The following HECW2 variants were observed in gnomAD, a reference collection of about 807,000 sequenced individuals.
The protein encoded by HECW2 is E3 ubiquitin-protein ligase HECW2.
Under a neutral mutation model 175.2 loss-of-function variants are expected in HECW2, and 61 were observed. That is an observed-to-expected ratio of 0.35 (90% confidence interval 0.28 to 0.43). The LOEUF is 0.43. Among genes scored for constraint, HECW2 ranks in the 20% least tolerant of loss-of-function variants. The pLI is 1.00. For missense variants in HECW2, 1,524 were observed against 2,000.5 expected (o/e 0.76, Z 4.54); for synonymous variants, 671 against 731.0 (o/e 0.92, Z 1.32).
intron 1 of HECW2, among the ~76,000 whole-genome samples, chr2:196,531,934 T>A (rs545719473): frequency 1.8e-4 from 28 of 152,334 alleles, no homozygotes; most frequent in Admixed American, 2.6e-4. Context: ...GCTCTTAGTT[T>A]TCTAAAAGTC....
chr2:196,491,221 G>A lies in HECW2; in HGVS notation c.-35-57763C>T, dbSNP rs982138242. Among the ~76,000 whole-genome samples the A allele has an allele frequency of 1.8e-4, 27 of 151,952 alleles. No individual in the cohort carries two copies. The East Asian group carries it at 2.1e-3, about 12-fold the overall frequency. ...ACTTAAAATATAATGGAATGTTGGC[G>A]GGTGCAGTGGCTCACACCTGTAATC... On this transcript the variant is annotated intron_variant, in intron 1 of 28. Transcript: ENST00000644978.
chr2:196,437,450 A>C (rs1168947335), intron 1 of HECW2, among the ~76,000 whole-genome samples: 1 of 151,810 alleles, frequency 6.6e-6, no homozygotes, highest in Non-Finnish European at 1.5e-5. Context: ...TGTCTCCACT[A>C]AAAATACAAA....
At chr2:196,314,660 A>T (rs1691622733) in intron 10 of HECW2, among the ~76,000 whole-genome samples, 1 of 152,242 alleles carries the variant, frequency 6.6e-6, no homozygotes, top group Non-Finnish European at 1.5e-5. Context: ...CCTACCTCAC[A>T]AAATTATTGA....
At chr2:196,411,196 G>C (rs1307490615) in intron 2 of HECW2, among the ~76,000 whole-genome samples, 3 of 152,064 alleles carry the variant, frequency 2.0e-5, no homozygotes, top group African/African-American at 4.8e-5. Flanking sequence ...GTACAGACAA[G>C]GTCTCCCTAT....
chr2:196,319,970 T>C, intron 8 of HECW2, 66 bp from the exon 9 acceptor site: 2 of 1,453,750 alleles, frequency 1.4e-6, no homozygotes, highest in Non-Finnish European at 1.8e-6. Flanking sequence ...TTATGACTTA[T>C]TTGCTTTGCC....
At chr2:196,408,058 C>A (rs1322960968) in intron 2 of HECW2, among the ~76,000 whole-genome samples, 1 of 152,220 alleles carries the variant, frequency 6.6e-6, no homozygotes, top group African/African-American at 2.4e-5. Flanking sequence ...CTTTCACTGA[C>A]AATGTATGTG....
At chr2:196,536,914 A>G (rs930308836) in intron 1 of HECW2, among the ~76,000 whole-genome samples, 4 of 152,176 alleles carry the variant, frequency 2.6e-5, no homozygotes, top group African/African-American at 9.7e-5. Context: ...GAGGTCCCCA[A>G]ATTCACTAGG....
intron 14 of HECW2, among the ~76,000 whole-genome samples, chr2:196,278,940 A>G (rs947195935): frequency 6.6e-6 from 1 of 152,220 alleles, no homozygotes; most frequent in Non-Finnish European, 1.5e-5. Flanking sequence ...ACATGATCCA[A>G]GAAGGAAGCC....
At position 196,416,727 on chromosome 2, in the gene HECW2, G is replaced by A. The variant is rs139619904; in HGVS notation, c.292+16405C>T. Among the ~76,000 whole-genome samples, 279 of 152,308 alleles carry A rather than the reference G, an allele frequency of 1.8e-3. 1 individual carries two copies. The highest frequency in any genetic ancestry group is 6.2e-3 in the African/African-American group (258 of 41,576). On this transcript the variant is annotated intron_variant, in intron 2 of 28. Transcript: ENST00000644978. ...AATATACAATTCTTCCAAGTATCCCGCCAGGCTGCAGGGAATTTTAGTTTT... is the reference window on the plus strand; with the variant it reads ...AATATACAATTCTTCCAAGTATCCCACCAGGCTGCAGGGAATTTTAGTTTT...
rs1691978677 is a variant in HECW2, at chr2:196,322,349, T to C, written c.884+129A>G. On this transcript the variant is annotated intron_variant, in intron 7 of 28. Coordinates refer to ENST00000644978, the MANE Select transcript of HECW2 (RefSeq NM_001348768.2). ...TACATTTTAATAAGTGTAAGGACAC[T>C]TTTATTTTTAAAAGAATTGTGTTAC... The C allele has an allele frequency of 1.7e-5, 11 of 666,380 alleles. No homozygotes were observed. The South Asian group carries it at 3.3e-4, about 20-fold the overall frequency. The allele number at this position is 666,380 out of a possible 1,614,324, so 41.3% of individuals were successfully genotyped here. A position where few individuals can be genotyped will look rare whatever the true frequency, so the allele number is the denominator to read the frequency against.
chr2:196,266,959 A>C (rs1689541676), intron 17 of HECW2, among the ~76,000 whole-genome samples: 1 of 152,232 alleles, frequency 6.6e-6, no homozygotes. Context: ...TTTGTGGTTC[A>C]GAATTTCTTG....
At chr2:196,499,663 A>G (rs933544233) in intron 1 of HECW2, among the ~76,000 whole-genome samples, 3 of 152,160 alleles carry the variant, frequency 2.0e-5, no homozygotes, top group African/African-American at 7.2e-5. Flanking sequence ...AGATTTTCAT[A>G]TTCAATTAAA....
At chr2:196,361,955 C>A in intron 2 of HECW2, 1 of 985,410 alleles carries the variant, frequency 1.0e-6, no homozygotes, top group Non-Finnish European at 1.2e-6. Flanking sequence ...CAGAGCTGAA[C>A]TGAAGTCAAG....
At position 196,441,295 on chromosome 2, in the gene HECW2, T is replaced by C. The variant is rs545044132; in HGVS notation, c.-35-7837A>G. Among the ~76,000 whole-genome samples, 68 of 152,156 alleles carry C rather than the reference T, an allele frequency of 4.5e-4. 1 individual carries two copies. Among genetic ancestry groups the C allele is most frequent in the African/African-American group, 1.6e-3 (66 of 41,516 alleles). ...AGGATCTAACTTCCTAGAGTTGGCA[T>C]TGATAAATAAAACCAATAATAATAA... On this transcript the variant is annotated intron_variant, in intron 1 of 28. Transcript: ENST00000644978.
intron 2 of HECW2, among the ~76,000 whole-genome samples, chr2:196,378,006 A>C (rs1694099234): frequency 6.6e-6 from 1 of 152,264 alleles, no homozygotes; most frequent in South Asian, 2.1e-4. Context: ...TCCACTGTTA[A>C]ATCTGTGTTC....
At chr2:196,583,107 G>A (rs1021772388) in intron 1 of HECW2, among the ~76,000 whole-genome samples, 1 of 152,178 alleles carries the variant, frequency 6.6e-6, no homozygotes, top group Non-Finnish European at 1.5e-5. Context: ...GTTTAGGGTC[G>A]TATTGCCATG....
chr2:196,432,874 G>C (rs1695755404), intron 2 of HECW2, among the ~76,000 whole-genome samples: 1 of 152,148 alleles, frequency 6.6e-6, no homozygotes, highest in Admixed American at 6.5e-5. Flanking sequence ...CGACCTAAGA[G>C]AAAATACTGT....
intron 1 of HECW2, among the ~76,000 whole-genome samples, chr2:196,436,400 CAAAA>C (rs35290180): frequency 1.2e-5 from 1 of 82,070 alleles, no homozygotes. Context: ...GACTCCATCT[CAAAA>C]AAAAAAAAAA....
chr2:196,317,484 C>A (rs1691742564), intron 9 of HECW2, 115 bp from the exon 10 acceptor site: 4 of 761,474 alleles, frequency 5.3e-6, no homozygotes, highest in Non-Finnish European at 9.0e-6. Flanking sequence ...TCTGTTTAGT[C>A]TCATTTCCCA....
Sources: allele counts gnomAD v4.1 joint callset (sites outside exome capture counted in the v4.1 genomes callset), GRCh38; gene constraint gnomAD v4.1.1; transcripts MANE v1.5; gene names NCBI Gene and HGNC (gene_info 2026-07-23, HGNC 2026-07-21).